NMUR2: variants seen among roughly 807,000 people sequenced by gnomAD.
NMUR2 encodes the protein neuromedin-U receptor 2.
In NMUR2, 24 loss-of-function variants were observed where a neutral mutation model predicts 25.1. That is an observed-to-expected ratio of 0.96 (90% CI 0.69 to 1.34). The LOEUF (loss-of-function observed/expected upper bound fraction) is 1.34, where lower values mean the gene tolerates loss of function less well. Among genes scored for constraint, NMUR2 ranks in the 40% most tolerant of loss-of-function variants. The pLI is 0.00. For synonymous variants in NMUR2, 218 were observed against 208.1 expected (o/e 1.05, Z -0.41); for missense variants, 533 against 512.8 (o/e 1.04, Z -0.38).
At chr5:152,401,386 T>C (rs1404589574) in intron 1 of NMUR2, among the ~76,000 whole-genome samples, 1 of 152,212 alleles carries the variant, frequency 6.6e-6, no homozygotes, top group Non-Finnish European at 1.5e-5. Flanking sequence ...AGGTTATTAT[T>C]CAGGTTGATA....
chr5:152,398,353 A>G (rs1753198590), intron 1 of NMUR2, among the ~76,000 whole-genome samples: 1 of 152,228 alleles, frequency 6.6e-6, no homozygotes, highest in African/African-American at 2.4e-5. Flanking sequence ...ATTGTGGCCA[A>G]GTAATAGTGC....
chr5:152,392,858 A>T (rs1050993019), intron 3 of NMUR2, among the ~76,000 whole-genome samples: 17 of 152,286 alleles, frequency 1.1e-4, no homozygotes, highest in Middle Eastern at 3.4e-3. Flanking sequence ...TTTCTATCTC[A>T]TTGGAATTTT....
chr5:152,405,170 GAAAAAAA>G lies in NMUR2; in HGVS notation c.-64_-58del, dbSNP rs71669210. On this transcript the variant is annotated 5_prime_UTR_variant, in exon 1 of 4. Transcript: ENST00000255262. ...GAGGCTCTGTTTCAAGCTGAGCCAGGAAAAAAAAAAAAAAAAGAAAAAAGGAAAACAA... is the reference window on the plus strand; with the variant it reads ...GAGGCTCTGTTTCAAGCTGAGCCAGGAAAAAAAAAGAAAAAAGGAAAACAA... 2.6e-3 allele frequency: 2,995 copies of G among 1,156,060 alleles called. 49 individuals carry two copies. In the African/African-American group the frequency reaches 0.05, roughly 19 times the overall value. 71.6% of individuals were successfully genotyped at this position (1,156,060 alleles called of 1,614,324 possible). A position where few individuals can be genotyped will look rare whatever the true frequency, so the allele number is the denominator to read the frequency against.
chr5:152,398,016 C>T, intron 2 of NMUR2, 44 bp downstream of exon 2: 1 of 1,405,834 alleles, frequency 7.1e-7, no homozygotes, highest in Non-Finnish European at 1.0e-6. Context: ...ACCTCCTTTG[C>T]TCTTATGAAC....
chr5:152,394,302 A>G (rs1753113003), intron 3 of NMUR2, among the ~76,000 whole-genome samples: 1 of 152,232 alleles, frequency 6.6e-6, no homozygotes, highest in Non-Finnish European at 1.5e-5. Context: ...GGAATAAGCT[A>G]TACATTAGGC....
intron 3 of NMUR2, 94 bp from the exon 4 acceptor site, chr5:152,392,595 C>T: frequency 1.1e-6 from 1 of 890,610 alleles, no homozygotes; most frequent in Non-Finnish European, 1.7e-6. Context: ...GCCTAGAATC[C>T]CTGTGATTGC....
At position 152,404,641 on chromosome 5, in the gene NMUR2, C is replaced by A. The variant is rs368042517; in HGVS notation, c.473G>T (p.Ser158Ile). 1.2e-6 allele frequency: 2 copies of A among 1,614,016 alleles called. No homozygotes were observed. The highest frequency in any genetic ancestry group is 1.7e-6 in the Non-Finnish European group (2 of 1,180,040). ...ILHPFRAKLQ[S>I]TRRRALRILG... ...GATCCTGAGGGCCCGGCGCCGGGTG[C>A]TCTGCAGTTTGGCGCGGAACGGGTG... The change falls in exon 1 of 4, where the codon AGC becomes ATC. Residue 158 changes from serine to isoleucine, a missense_variant. Physicochemically the swap from Ser to Ile is moderately radical, Grantham distance 142. Coordinates refer to ENST00000255262, the MANE Select transcript of NMUR2 (RefSeq NM_020167.5).
At position 152,392,153 on chromosome 5, in the gene NMUR2, A is replaced by G; in HGVS notation, c.*38T>C. 1 of 1,521,924 alleles carries G rather than the reference A, an allele frequency of 6.6e-7. No homozygotes were observed. Among genetic ancestry groups the G allele is most frequent in the East Asian group, 2.3e-5 (1 of 44,362 alleles). The allele number at this position is 1,521,924 out of a possible 1,614,324, so 94.3% of individuals were successfully genotyped here. A position where few individuals can be genotyped will look rare whatever the true frequency, so the allele number is the denominator to read the frequency against. On this transcript the variant is annotated 3_prime_UTR_variant, in exon 4 of 4. Transcript: ENST00000255262. ...TACATTATGGGATGTTCCTCTCTGAAGTTTTGAGGCATAGAGGAGAGTCAG... is the reference window on the plus strand; with the variant it reads ...TACATTATGGGATGTTCCTCTCTGAGGTTTTGAGGCATAGAGGAGAGTCAG...
chr5:152,396,197 AACACAC>A lies in NMUR2; in HGVS notation c.812-619_812-614del, dbSNP rs3042430. 4.2e-3 allele frequency among the ~76,000 whole-genome samples: 609 copies of A among 143,472 alleles called. 3 individuals carry two copies. Among genetic ancestry groups the A allele is most frequent in the African/African-American group, 0.014 (575 of 40,130 alleles). 94.1% of individuals were successfully genotyped at this position (143,472 alleles called of 152,430 possible). ...TGGGGCATTTAAGCTCCACAAATTA[AACACAC>A]ACACACACACACACACACACACTTT... On this transcript the variant is annotated intron_variant, in intron 2 of 3. Coordinates refer to ENST00000255262, the MANE Select transcript of NMUR2 (RefSeq NM_020167.5).
intron 1 of NMUR2, among the ~76,000 whole-genome samples, chr5:152,401,135 T>C (rs1180308422): frequency 3.3e-5 from 5 of 152,210 alleles, no homozygotes; most frequent in African/African-American, 1.2e-4. Context: ...TATCGTTGAA[T>C]AATTTCACTT....
At chr5:152,401,517 T>C (rs1169088230) in intron 1 of NMUR2, among the ~76,000 whole-genome samples, 2 of 152,244 alleles carry the variant, frequency 1.3e-5, no homozygotes, top group African/African-American at 2.4e-5. Context: ...TAAATATCTC[T>C]ATAATCTTAA....
intron 1 of NMUR2, among the ~76,000 whole-genome samples, chr5:152,401,006 AG>A (rs930895471): frequency 7.9e-5 from 12 of 152,230 alleles, no homozygotes; most frequent in Non-Finnish European, 1.6e-4. Context: ...AGCTAACTAG[AG>A]GAAGAGTGAA....
chr5:152,401,161 G>A (rs1753247568), intron 1 of NMUR2, among the ~76,000 whole-genome samples: 1 of 152,124 alleles, frequency 6.6e-6, no homozygotes, highest in Non-Finnish European at 1.5e-5. Flanking sequence ...CAGATGTTTA[G>A]TAAAGTAGAT....
intron 1 of NMUR2, among the ~76,000 whole-genome samples, chr5:152,400,916 T>G (rs184426158): frequency 2.0e-5 from 3 of 152,334 alleles, no homozygotes; most frequent in African/African-American, 2.4e-5. Flanking sequence ...TGTAGCAGCA[T>G]AGTTTACACT....
At chr5:152,393,003 C>G (rs980517865) in intron 3 of NMUR2, among the ~76,000 whole-genome samples, 1 of 152,176 alleles carries the variant, frequency 6.6e-6, no homozygotes, top group Non-Finnish European at 1.5e-5. Context: ...TCCTACCTAC[C>G]CTTTTCCCTT....
At position 152,404,376 on chromosome 5, in the gene NMUR2, C is replaced by A; in HGVS notation, c.726+12G>T. 6.9e-6 allele frequency: 11 copies of A among 1,599,332 alleles called. No individual in the cohort carries two copies. Among genetic ancestry groups the A allele is most frequent in the Non-Finnish European group, 9.4e-6 (11 of 1,170,532 alleles). On this transcript the variant is annotated intron_variant, in intron 1 of 3. Coordinates refer to ENST00000255262, the MANE Select transcript of NMUR2 (RefSeq NM_020167.5). The stretch of plus-strand genomic sequence containing the variant: ...GGATGCTGCCTCAGGCCACCCCAGC[C>A]TAGATACTCACTCTGAGTGCCATGA...
rs1753078954 is a variant in NMUR2 at position 152,392,505 on chromosome 5, G to A, written c.938-4C>T. 6.2e-7 allele frequency: 1 copy of A among 1,603,496 alleles called. No individual in the cohort carries two copies. Among genetic ancestry groups the A allele is most frequent in the African/African-American group, 1.3e-5 (1 of 74,622 alleles). Reference sequence around the variant, plus strand: ...GAGCTCAGGTAGAAGAAGACACCTGGAATGCAGGGGATTTAAAAAGATGTG... The same window carrying A: ...GAGCTCAGGTAGAAGAAGACACCTGAAATGCAGGGGATTTAAAAAGATGTG... On this transcript the variant is annotated splice_region_variant and splice_polypyrimidine_tract_variant and intron_variant, in intron 3 of 3. Coordinates refer to ENST00000255262, the MANE Select transcript of NMUR2 (RefSeq NM_020167.5).
chr5:152,397,985 C>T, intron 2 of NMUR2, 75 bp downstream of exon 2: 2 of 1,000,012 alleles, frequency 2.0e-6, no homozygotes, highest in South Asian at 2.7e-5. Context: ...ACCCCAGCAG[C>T]ATTTAGTTGG....
intron 3 of NMUR2, among the ~76,000 whole-genome samples, chr5:152,393,023 T>G (rs1432651891): frequency 6.6e-6 from 1 of 152,214 alleles, no homozygotes; most frequent in Non-Finnish European, 1.5e-5. Flanking sequence ...TGATGGTTCC[T>G]CCACCTTTTG....
Sources: gnomAD v4.1 joint callset for allele counts (sites outside exome capture counted in the v4.1 genomes callset) on GRCh38, gnomAD v4.1.1 for gene constraint, MANE v1.5 for transcripts, NCBI Gene and HGNC (gene_info 2026-07-23, HGNC 2026-07-21) for gene names.